Variants in ME1 observed in about 807,000 individuals in gnomAD.
ME1 encodes the protein malic enzyme 1, also known as NADP-dependent malic enzyme.
Under a neutral mutation model 66.4 loss-of-function variants are expected in ME1, and 74 were observed. The ratio of observed to expected loss-of-function variants is 1.11; its 90% confidence interval spans 0.92 to 1.35. The LOEUF (loss-of-function observed/expected upper bound fraction) is 1.35, where lower values mean the gene tolerates loss of function less well. ME1 is among the 40% of genes most tolerant of loss of function. The probability of loss-of-function intolerance (pLI) is 0.00; values close to 1 mark genes in which losing one functional copy is unlikely to be tolerated. For missense variants in ME1, 750 were observed against 694.1 expected, an observed-to-expected ratio of 1.08 and a Z score of -0.90; for synonymous variants, 251 against 235.6, an observed-to-expected ratio of 1.07 and a Z score of -0.60.
intron 3 of ME1, among the ~76,000 whole-genome samples, chr6:83,373,084 G>C (rs1185773509): frequency 6.6e-6 from 1 of 152,122 alleles, no homozygotes; most frequent in Non-Finnish European, 1.5e-5. Flanking sequence ...CCTTCAGTTA[G>C]ATATTAGATA....
intron 6 of ME1, among the ~76,000 whole-genome samples, chr6:83,275,464 CTTTTTTTTTTT>C (rs767009219): frequency 8.4e-6 from 1 of 119,726 alleles, no homozygotes; most frequent in East Asian, 2.4e-4. Context: ...TAGTTTTGAT[CTTTTTTTTTTT>C]TTTTTTTTTT....
intron 4 of ME1, among the ~76,000 whole-genome samples, chr6:83,349,993 G>C (rs1197212952): frequency 6.6e-6 from 1 of 152,120 alleles, no homozygotes; most frequent in Non-Finnish European, 1.5e-5. Flanking sequence ...TGCTAGAAAA[G>C]TTTTCTTAAC....
chr6:83,230,494 A>G (rs971148176), intron 9 of ME1, among the ~76,000 whole-genome samples: 1 of 152,162 alleles, frequency 6.6e-6, no homozygotes, highest in African/African-American at 2.4e-5. Context: ...GGTAAATGAA[A>G]TGTAATGCAT....
intron 3 of ME1, among the ~76,000 whole-genome samples, chr6:83,373,273 T>A (rs1161984356): frequency 1.3e-5 from 2 of 151,980 alleles, no homozygotes; most frequent in African/African-American, 4.8e-5. Context: ...TCTCACTTCA[T>A]CGCCCAGGCT....
At chr6:83,275,764 CTTTTTTTTTTTTTTTTT>C in intron 6 of ME1, among the ~76,000 whole-genome samples, 1 of 38,036 alleles carries the variant, frequency 2.6e-5, no homozygotes, top group Non-Finnish European at 4.3e-5. Context: ...GGCGCCCGGC[CTTTTTTTTTTTTTTTTT>C]TTTTTTTTTG....
chr6:83,291,699 T>C (rs527546195), intron 6 of ME1, among the ~76,000 whole-genome samples: 68 of 152,308 alleles, frequency 4.5e-4, no homozygotes, highest in African/African-American at 1.3e-3. Flanking sequence ...TCCTGCATAA[T>C]ATCCTGAAGA....
intron 5 of ME1, among the ~76,000 whole-genome samples, chr6:83,316,192 A>G (rs747658960): frequency 6.6e-6 from 1 of 152,162 alleles, no homozygotes; most frequent in Non-Finnish European, 1.5e-5. Flanking sequence ...ACAGACTTTA[A>G]AATAAATTTT....
intron 1 of ME1, among the ~76,000 whole-genome samples, chr6:83,408,694 T>G (rs1769991967): frequency 6.6e-6 from 1 of 152,186 alleles, no homozygotes; most frequent in African/African-American, 2.4e-5. Context: ...CCTAAGATAT[T>G]TGCTGGCATT....
intron 5 of ME1, among the ~76,000 whole-genome samples, chr6:83,327,612 A>T (rs1768324480): frequency 6.6e-6 from 1 of 152,186 alleles, no homozygotes; most frequent in African/African-American, 2.4e-5. Flanking sequence ...GTCTCCTGAT[A>T]AGATGTTATC....
At chr6:83,377,672 ATTAT>A (rs1769319404) in intron 3 of ME1, among the ~76,000 whole-genome samples, 1 of 152,126 alleles carries the variant, frequency 6.6e-6, no homozygotes, top group Admixed American at 6.6e-5. Flanking sequence ...TTGGTAAATA[ATTAT>A]TTGAAAAAAA....
chr6:83,293,896 T>G (rs1767549474), intron 6 of ME1, among the ~76,000 whole-genome samples: 1 of 152,342 alleles, frequency 6.6e-6, no homozygotes, highest in East Asian at 1.9e-4. Flanking sequence ...TCTTTCGCAT[T>G]TAGTTGTAGC....
At chr6:83,301,635 G>C (rs1214919538) in intron 6 of ME1, among the ~76,000 whole-genome samples, 1 of 152,034 alleles carries the variant, frequency 6.6e-6, no homozygotes, top group Non-Finnish European at 1.5e-5. Flanking sequence ...GAGCCACTGT[G>C]CTCAGCCAAC....
chr6:83,234,592 T>C (rs925050939), intron 9 of ME1, among the ~76,000 whole-genome samples: 1 of 152,228 alleles, frequency 6.6e-6, no homozygotes, highest in African/African-American at 2.4e-5. Flanking sequence ...ATGCCACTTC[T>C]ATTTCCTAAA....
chr6:83,239,785 G>A, intron 7 of ME1, 149 bp from the exon 8 acceptor site: 8 of 570,406 alleles, frequency 1.4e-5, no homozygotes, highest in East Asian at 2.8e-5. Flanking sequence ...TTGCATACGT[G>A]GTAAAATTCC....
chr6:83,364,994 C>T lies in ME1; in HGVS notation c.363-12855G>A, dbSNP rs930465834. Among the ~76,000 whole-genome samples the T allele has an allele frequency of 3.9e-5, 6 of 152,284 alleles. No homozygotes were observed. In the East Asian group the frequency reaches 1.2e-3, roughly 29 times the overall value. ...CTCCTACCTGGAAGTCCTCCTCGTC[C>T]CACTGGGGCTCTGTCACCTGGCACT... On this transcript the variant is annotated intron_variant, in intron 3 of 13. Transcript: ENST00000369705.
intron 2 of ME1, 76 bp downstream of exon 2, chr6:83,407,692 A>T: frequency 7.3e-7 from 1 of 1,362,052 alleles, no homozygotes; most frequent in Admixed American, 2.7e-5. Context: ...AAATGTTTTC[A>T]TTTTCTCACC....
At chr6:83,368,520 TACTTTTATGGTC>T (rs1327668282) in intron 3 of ME1, among the ~76,000 whole-genome samples, 2 of 152,180 alleles carry the variant, frequency 1.3e-5, no homozygotes, top group Non-Finnish European at 2.9e-5. Flanking sequence ...TAAATTACAT[TACTTTTATGGTC>T]ACTTTTATGG....
chr6:83,424,244 C>T (rs1770326237), intron 1 of ME1, among the ~76,000 whole-genome samples: 1 of 152,024 alleles, frequency 6.6e-6, no homozygotes, highest in Non-Finnish European at 1.5e-5. Flanking sequence ...ATGGTAAGAT[C>T]TCTATATTTC....
intron 5 of ME1, among the ~76,000 whole-genome samples, chr6:83,322,952 ATC>A (rs573986446): frequency 3.8e-4 from 58 of 152,366 alleles, no homozygotes; most frequent in African/African-American, 1.3e-3. Context: ...CTAACAGTGG[ATC>A]TCTCTGCAGA....
Sources: allele counts gnomAD v4.1 joint callset (sites outside exome capture counted in the v4.1 genomes callset), GRCh38; gene constraint gnomAD v4.1.1; transcripts MANE v1.5; gene names NCBI Gene and HGNC (gene_info 2026-07-23, HGNC 2026-07-21).